STK3: variants seen among roughly 807,000 people sequenced by gnomAD.
STK3 encodes the protein serine/threonine kinase 3.
STK3 carries 41 observed loss-of-function variants against 58.0 expected under a neutral mutation model. The observed-to-expected ratio is 0.71, with a 90% CI of 0.55 to 0.92. The LOEUF (loss-of-function observed/expected upper bound fraction) is 0.92, where lower values mean the gene tolerates loss of function less well. STK3 is among the 40% of genes least tolerant of loss of function. The pLI, the probability that STK3 is intolerant of heterozygous loss-of-function variation, is 0.00. For missense variants in STK3, 479 were observed against 602.7 expected (o/e 0.79, Z 2.15); for synonymous variants, 170 against 191.0 (o/e 0.89, Z 0.91).
chr8:98,657,951 C>T (rs1366713149), intron 6 of STK3, among the ~76,000 whole-genome samples: 2 of 151,838 alleles, frequency 1.3e-5, no homozygotes, highest in Non-Finnish European at 2.9e-5. Context: ...TCTATTGTGT[C>T]CATTTAATAT....
intron 3 of STK3, among the ~76,000 whole-genome samples, chr8:98,761,264 A>G (rs1830597836): frequency 6.6e-6 from 1 of 151,826 alleles, no homozygotes; most frequent in Non-Finnish European, 1.5e-5. Flanking sequence ...AGCTGGGACT[A>G]CAGGCACGTG....
rs1174242338 is a variant in STK3, at chr8:98,905,272, A to G, written c.-78-21438T>C. 7 of 833,420 alleles carry G rather than the reference A, an allele frequency of 8.4e-6. No individual in the cohort carries two copies. In the Admixed American group the frequency reaches 1.2e-4, roughly 14 times the overall value. 51.6% of individuals were successfully genotyped at this position (833,420 alleles called of 1,614,324 possible). ...CTTGCCTTGAAACTCTGTGTTGTCA[A>G]GGCCCCTGACGGTCTCACTGCGTCC... is the stretch of plus-strand genomic sequence containing the variant. On this transcript the variant is annotated intron_variant, in intron 1 of 1. Transcript: ENST00000519420.
chr8:98,620,497 A>T (rs1489047249), intron 6 of STK3, among the ~76,000 whole-genome samples: 1 of 149,466 alleles, frequency 6.7e-6, no homozygotes, highest in African/African-American at 2.5e-5. Context: ...TAAATAAATA[A>T]ATAAAAAGGT....
At chr8:98,598,931 A>G (rs1264775943) in intron 6 of STK3, 3 of 982,136 alleles carry the variant, frequency 3.1e-6, no homozygotes, top group Non-Finnish European at 3.6e-6. Context: ...AATTATCTTC[A>G]TGCCTGAAAT....
chr8:98,486,202 C>T (rs562674113), intron 10 of STK3, among the ~76,000 whole-genome samples: 19 of 152,104 alleles, frequency 1.2e-4, no homozygotes, highest in Non-Finnish European at 2.5e-4. Context: ...ATGCACTTGC[C>T]TGTGTGTGGG....
intron 1 of STK3, among the ~76,000 whole-genome samples, chr8:98,912,935 G>T (rs1041110361): frequency 6.6e-6 from 1 of 151,940 alleles, no homozygotes; most frequent in Non-Finnish European, 1.5e-5. Context: ...TTGAGACAGG[G>T]TCTCACTCTG....
chr8:98,740,199 A>G (rs1160540705), intron 4 of STK3, among the ~76,000 whole-genome samples: 1 of 152,152 alleles, frequency 6.6e-6, no homozygotes, highest in African/African-American at 2.4e-5. Context: ...AACTTCCCCA[A>G]TCTAGCAAGG....
At position 98,428,878 on chromosome 8, in the gene STK3, T is replaced by C. The variant is rs757324627; in HGVS notation, n.483+5249A>G. ...AGGGTGGCCCAGGTCCTGAGGCTGATGCGGATCTTCCGCATCTTAAAGCTG... is the reference window on the plus strand; with the variant it reads ...AGGGTGGCCCAGGTCCTGAGGCTGACGCGGATCTTCCGCATCTTAAAGCTG... On this transcript the variant is annotated intron_variant and non_coding_transcript_variant, in intron 3 of 3. Transcript: ENST00000517832. The surrounding 1 kb of genome is among the most constrained non-coding windows in gnomAD (Gnocchi z 6.7). 2 of 1,614,118 alleles carry C rather than the reference T, an allele frequency of 1.2e-6. No homozygotes were observed.
At chr8:98,935,219 A>G (rs1840154113) in intron 1 of STK3, among the ~76,000 whole-genome samples, 4 of 152,208 alleles carry the variant, frequency 2.6e-5, no homozygotes, top group Admixed American at 2.6e-4. Context: ...GTGGGTCAGA[A>G]TGCAGCTATC....
At chr8:98,457,710 A>G (rs1819606441) in intron 10 of STK3, among the ~76,000 whole-genome samples, 1 of 152,220 alleles carries the variant, frequency 6.6e-6, no homozygotes. Flanking sequence ...ATAAATATGA[A>G]TAAGAATATA....
At chr8:98,746,557 G>C (rs367869904) in intron 4 of STK3, among the ~76,000 whole-genome samples, 1 of 152,040 alleles carries the variant, frequency 6.6e-6, no homozygotes, top group East Asian at 1.9e-4. Flanking sequence ...GGGCTATAGT[G>C]AGCCATGATC....
At chr8:98,842,047 G>C (rs1369024828) in intron 3 of STK3, among the ~76,000 whole-genome samples, 2 of 151,792 alleles carry the variant, frequency 1.3e-5, no homozygotes, top group Non-Finnish European at 2.9e-5. Context: ...AATATAACAA[G>C]CTCCATAAAA....
At chr8:98,498,487 A>G (rs1490895020) in intron 10 of STK3, among the ~76,000 whole-genome samples, 1 of 152,196 alleles carries the variant, frequency 6.6e-6, no homozygotes, top group Non-Finnish European at 1.5e-5. Context: ...CTGCCCTCCA[A>G]GAAATTTTGT....
chr8:98,848,642 A>C (rs1029513938), intron 3 of STK3, among the ~76,000 whole-genome samples: 1 of 152,202 alleles, frequency 6.6e-6, no homozygotes, highest in Non-Finnish European at 1.5e-5. Context: ...ATTTAGCATA[A>C]CATTGTCAAG....
intron 1 of STK3, among the ~76,000 whole-genome samples, chr8:98,910,762 T>C (rs1402617743): frequency 6.6e-6 from 1 of 152,228 alleles, no homozygotes; most frequent in Non-Finnish European, 1.5e-5. Context: ...ACGACCTGCC[T>C]GTGAGAATAT....
chr8:98,567,216 C>A (rs1369408360), intron 8 of STK3, among the ~76,000 whole-genome samples: 1 of 152,128 alleles, frequency 6.6e-6, no homozygotes, highest in South Asian at 2.1e-4. Context: ...TATGTCTATT[C>A]TTTTTGTTGT....
intron 4 of STK3, among the ~76,000 whole-genome samples, chr8:98,712,737 T>C (rs1826593376): frequency 6.6e-6 from 1 of 151,912 alleles, no homozygotes; most frequent in Non-Finnish European, 1.5e-5. Context: ...AGACAGAAAG[T>C]TAACAAGGAT....
At chr8:98,376,414 T>G (rs1174300876) in intron 2 of STK3, among the ~76,000 whole-genome samples, 1 of 152,210 alleles carries the variant, frequency 6.6e-6, no homozygotes, top group Non-Finnish European at 1.5e-5. Context: ...AGAGCACAAG[T>G]TTTCAATTTT....
chr8:98,578,472 T>C (rs1813588594), intron 8 of STK3, among the ~76,000 whole-genome samples: 2 of 152,186 alleles, frequency 1.3e-5, no homozygotes, highest in African/African-American at 4.8e-5. Context: ...AAGAACATGA[T>C]TATAAATCAG....
Sources: gnomAD v4.1 joint callset for allele counts (sites outside exome capture counted in the v4.1 genomes callset) on GRCh38, gnomAD v4.1.1 for gene constraint, Gnocchi (gnomAD v3.1) non-coding constraint, MANE v1.5 for transcripts, NCBI Gene and HGNC (gene_info 2026-07-23, HGNC 2026-07-21) for gene names.